The following PKHD1 variants were observed in gnomAD, a reference collection of about 807,000 sequenced individuals.
The protein encoded by PKHD1 is fibrocystin.
PKHD1 carries 291 observed loss-of-function variants against 412.0 expected under a neutral mutation model. The observed-to-expected ratio is 0.71, with a 90% CI of 0.64 to 0.78. The LOEUF is 0.78. Among genes scored for constraint, PKHD1 ranks in the 30% least tolerant of loss-of-function variants. The probability of loss-of-function intolerance (pLI) is 0.00; values close to 1 mark genes in which losing one functional copy is unlikely to be tolerated. For synonymous variants in PKHD1, 1,777 were observed against 1,821.5 expected, an observed-to-expected ratio of 0.98 and a Z score of 0.62; for missense variants, 4,825 against 4,950.7, an observed-to-expected ratio of 0.97 and a Z score of 0.76.
intron 60 of PKHD1, among the ~76,000 whole-genome samples, chr6:51,698,244 TAC>T (rs1252087204): frequency 1.3e-5 from 2 of 152,206 alleles, no homozygotes; most frequent in African/African-American, 4.8e-5. Context: ...TTCCCATTCG[TAC>T]AGACTCATTG....
At chr6:51,866,018 A>C (rs1775009621) in intron 48 of PKHD1, among the ~76,000 whole-genome samples, 2 of 74,468 alleles carry the variant, frequency 2.7e-5, no homozygotes, top group African/African-American at 4.6e-5. Context: ...CCAGTCTGAG[A>C]GTCTGCATTT....
intron 35 of PKHD1, among the ~76,000 whole-genome samples, chr6:51,994,368 C>A (rs1256401150): frequency 6.6e-6 from 1 of 152,156 alleles, no homozygotes; most frequent in Non-Finnish European, 1.5e-5. Context: ...ATCTCCTGAC[C>A]TCATGATCCG....
rs375094036 is a variant in PKHD1, at chr6:52,069,400, G to A, written c.778+57C>T. The A allele has an allele frequency of 4.9e-6, 6 of 1,225,624 alleles. 1 individual carries two copies. In the African/African-American group the frequency reaches 7.4e-5, roughly 15 times the overall value. The allele number at this position is 1,225,624 out of a possible 1,614,324, so 75.9% of individuals were successfully genotyped here. A position where few individuals can be genotyped will look rare whatever the true frequency, so the allele number is the denominator to read the frequency against. Reference sequence around the variant, plus strand: ...GAAATGGCCAAAAGATAGGGAAGGAGGGGCCAACATTGAGTGAGGCACAAG... The same window carrying A: ...GAAATGGCCAAAAGATAGGGAAGGAAGGGCCAACATTGAGTGAGGCACAAG... On this transcript the variant is annotated intron_variant, in intron 11 of 66. Coordinates refer to ENST00000371117, the MANE Select transcript of PKHD1 (RefSeq NM_138694.4).
intron 56 of PKHD1, 83 bp from the exon 57 acceptor site, chr6:51,753,436 A>C (rs940988172): frequency 9.2e-7 from 1 of 1,086,268 alleles, no homozygotes; most frequent in Non-Finnish European, 1.4e-6. Flanking sequence ...CAAACCTGAG[A>C]AATGAAAACA....
intron 60 of PKHD1, among the ~76,000 whole-genome samples, chr6:51,716,966 C>T (rs1781345586): frequency 6.6e-6 from 1 of 152,112 alleles, no homozygotes; most frequent in African/African-American, 2.4e-5. Flanking sequence ...TAGTCCAAGG[C>T]CATGGTTCTT....
In PKHD1 at chr6:51,807,869, T is replaced by A. The variant is rs1054167962; in HGVS notation, c.8303-16496A>T. On this transcript the variant is annotated intron_variant, in intron 52 of 66. Coordinates refer to ENST00000371117, the MANE Select transcript of PKHD1 (RefSeq NM_138694.4). ...ACATGAAATGTCTAGAGTAGGAAAA[T>A]CTGTAGAGATGGAAAGTAGATTAAT... Among the ~76,000 whole-genome samples the A allele has an allele frequency of 3.9e-5, 6 of 151,964 alleles. No homozygotes were observed. In the East Asian group the frequency reaches 1.2e-3, roughly 29 times the overall value.
At chr6:51,804,294 T>C (rs1488034782) in intron 52 of PKHD1, among the ~76,000 whole-genome samples, 1 of 134,518 alleles carries the variant, frequency 7.4e-6, no homozygotes, top group African/African-American at 2.9e-5. Context: ...ATTTCTCAGC[T>C]GTGTCCCAAG....
chr6:51,885,718 C>T (rs375056210), intron 45 of PKHD1, 149 bp downstream of exon 45: 18 of 696,616 alleles, frequency 2.6e-5, no homozygotes, highest in South Asian at 2.4e-4. Context: ...TCCATTGGTG[C>T]TTTAAAATTG....
intron 52 of PKHD1, among the ~76,000 whole-genome samples, chr6:51,826,756 T>G (rs924045850): frequency 6.6e-6 from 1 of 152,078 alleles, no homozygotes; most frequent in Non-Finnish European, 1.5e-5. Context: ...AGAGAAGAAT[T>G]TACAGTTCTT....
At chr6:51,728,478 T>C in intron 60 of PKHD1, among the ~76,000 whole-genome samples, 1 of 152,202 alleles carries the variant, frequency 6.6e-6, no homozygotes, top group East Asian at 1.9e-4. Flanking sequence ...CAATTTTGCT[T>C]CCTTTTATCA....
At chr6:51,965,090 C>T (rs1227255827) in intron 35 of PKHD1, among the ~76,000 whole-genome samples, 2 of 152,050 alleles carry the variant, frequency 1.3e-5, no homozygotes, top group East Asian at 1.9e-4. Flanking sequence ...GACATTAAAC[C>T]TTTTGGCCAA....
intron 37 of PKHD1, among the ~76,000 whole-genome samples, chr6:51,929,676 T>G (rs987063860): frequency 2.0e-5 from 3 of 152,240 alleles, no homozygotes; most frequent in African/African-American, 7.2e-5. Flanking sequence ...GGAATTTACA[T>G]GCAGACACTT....
chr6:51,700,013 G>T (rs930441234), intron 60 of PKHD1, among the ~76,000 whole-genome samples: 2 of 149,350 alleles, frequency 1.3e-5, no homozygotes, highest in African/African-American at 2.4e-5. Context: ...TGTATATAGA[G>T]TATATTAGCT....
chr6:52,019,501 G>GGCAA (rs1288033062), intron 33 of PKHD1, among the ~76,000 whole-genome samples: 1 of 152,118 alleles, frequency 6.6e-6, no homozygotes, highest in African/African-American at 2.4e-5. Flanking sequence ...TAAGCCCTAA[G>GGCAA]GCAAATAAAA....
At chr6:51,716,860 A>C (rs1423158028) in intron 60 of PKHD1, among the ~76,000 whole-genome samples, 1 of 152,048 alleles carries the variant, frequency 6.6e-6, no homozygotes, top group Non-Finnish European at 1.5e-5. Context: ...CTTTGACAGC[A>C]GAAGGAAATA....
intron 66 of PKHD1, among the ~76,000 whole-genome samples, chr6:51,624,172 C>T (rs1276319993): frequency 6.6e-6 from 1 of 152,078 alleles, no homozygotes; most frequent in Non-Finnish European, 1.5e-5. Context: ...TCCTCCACCT[C>T]GGCCTCCTGA....
intron 37 of PKHD1, among the ~76,000 whole-genome samples, chr6:51,928,050 C>T (rs138941933): frequency 1.3e-5 from 2 of 152,148 alleles, no homozygotes; most frequent in Non-Finnish European, 2.9e-5. Context: ...ATAGGTGCAC[C>T]GTTAAGTATT....
intron 51 of PKHD1, among the ~76,000 whole-genome samples, chr6:51,834,702 A>G (rs1768883282): frequency 6.6e-6 from 1 of 152,202 alleles, no homozygotes; most frequent in Non-Finnish European, 1.5e-5. Flanking sequence ...TCTTGAAAGT[A>G]TGTTATTTAA....
Position 52,072,096 on chromosome 6 carries a change from A to G in PKHD1, c.602+19T>C. On this transcript the variant is annotated intron_variant, in intron 8 of 66. Coordinates refer to ENST00000371117, the MANE Select transcript of PKHD1 (RefSeq NM_138694.4). The stretch of plus-strand genomic sequence containing the variant: ...CGAACTTACAAGCATGTGCATTGGC[A>G]AGATAATAAGACACTCACCAGCTTC... The G allele has an allele frequency of 6.7e-7, 1 of 1,482,618 alleles. No individual in the cohort carries two copies. Among genetic ancestry groups the G allele is most frequent in the Non-Finnish European group, 9.4e-7 (1 of 1,060,370 alleles). 91.8% of individuals were successfully genotyped at this position (1,482,618 alleles called of 1,614,324 possible).
Sources: gnomAD v4.1 joint callset for allele counts (sites outside exome capture counted in the v4.1 genomes callset) on GRCh38, gnomAD v4.1.1 for gene constraint, MANE v1.5 for transcripts, NCBI Gene and HGNC (gene_info 2026-07-23, HGNC 2026-07-21) for gene names.